FUT8: variants seen among roughly 807,000 people sequenced by gnomAD.
FUT8 encodes the protein fucosyltransferase 8, also known as alpha-(1,6)-fucosyltransferase.
FUT8 carries 29 observed loss-of-function variants against 71.3 expected under a neutral mutation model. The ratio of observed to expected loss-of-function variants is 0.41; its 90% CI spans 0.30 to 0.55. The LOEUF (loss-of-function observed/expected upper bound fraction) is 0.55. FUT8 is among the 20% of genes least tolerant of loss of function. The probability of loss-of-function intolerance (pLI) is 0.34; values close to 1 mark genes in which losing one functional copy is unlikely to be tolerated. For missense variants in FUT8, 544 were observed against 702.1 expected, an observed-to-expected ratio of 0.77 and a Z score of 2.55; for synonymous variants, 254 against 239.3, an observed-to-expected ratio of 1.06 and a Z score of -0.57.
At chr14:65,683,807 A>C (rs536255794) in intron 7 of FUT8, among the ~76,000 whole-genome samples, 75 of 152,214 alleles carry the variant, frequency 4.9e-4, no homozygotes, top group African/African-American at 1.8e-3. Context: ...AATAATGAAT[A>C]TTATGTCTAT....
At chr14:65,714,595 AT>A (rs927668583) in intron 7 of FUT8, among the ~76,000 whole-genome samples, 11 of 149,532 alleles carry the variant, frequency 7.4e-5, no homozygotes, top group East Asian at 3.9e-4. Context: ...AAGTTTTAGG[AT>A]TTTTTTTTTC....
At chr14:65,456,158 A>G (rs2065891075) in intron 2 of FUT8, among the ~76,000 whole-genome samples, 1 of 152,174 alleles carries the variant, frequency 6.6e-6, no homozygotes, top group Non-Finnish European at 1.5e-5. Context: ...TGTTCATTCT[A>G]TTAATTTTGA....
intron 3 of FUT8, among the ~76,000 whole-genome samples, chr14:65,582,030 T>C (rs1351648948): frequency 6.6e-6 from 1 of 152,190 alleles, no homozygotes; most frequent in Non-Finnish European, 1.5e-5. Context: ...TAACTGTAAG[T>C]CATGGTGTTG....
chr14:65,373,217 T>C, the FUT8 span, among the ~76,000 whole-genome samples: 1 of 149,814 alleles, frequency 6.7e-6, no homozygotes, highest in Non-Finnish European at 1.5e-5. Flanking sequence ...GTGGAGTCCC[T>C]GGCGAGGGCT....
rs1050075562 is a variant in FUT8 at position 65,519,498 on chromosome 14, C to T, written c.-227-41839C>T. 5.9e-5 allele frequency among the ~76,000 whole-genome samples: 9 copies of T among 152,196 alleles called. No individual in the cohort carries two copies. The Middle Eastern group carries it at 0.017, about 290-fold the overall frequency. On this transcript the variant is annotated intron_variant, in intron 2 of 10. Coordinates refer to ENST00000673929, the MANE Select transcript of FUT8 (RefSeq NM_001371533.1). The stretch of plus-strand genomic sequence containing the variant: ...TGATTCTAACAGGAGGTAAGTTTTT[C>T]GCTGATCTTTGCTGTATTCTTTATG...
At chr14:65,569,330 T>C (rs1316461777) in intron 3 of FUT8, among the ~76,000 whole-genome samples, 6 of 151,820 alleles carry the variant, frequency 4.0e-5, no homozygotes, top group Non-Finnish European at 7.4e-5. Flanking sequence ...TTTTTCCTTA[T>C]GGAATTCCAA....
At chr14:65,494,407 A>T (rs975168433) in intron 2 of FUT8, among the ~76,000 whole-genome samples, 2 of 152,106 alleles carry the variant, frequency 1.3e-5, no homozygotes, top group Non-Finnish European at 2.9e-5. Context: ...TTTACATACT[A>T]TTAGAAGAGA....
intron 1 of FUT8, among the ~76,000 whole-genome samples, chr14:65,444,923 C>T (rs1057051929): frequency 6.6e-6 from 1 of 152,032 alleles, no homozygotes; most frequent in Non-Finnish European, 1.5e-5. Context: ...AAAGGGCTTG[C>T]GGCCGGGCAT....
rs1443717358 is a variant in FUT8, at chr14:65,611,293, ACACACACACC to A, written c.204-4683_204-4674del. ...CACACACACACACACACACACACAC[ACACACACACC>A]CCCCAAGTAATAGCCTTGATTTTGC... is the stretch of plus-strand genomic sequence containing the variant. On this transcript the variant is annotated intron_variant, in intron 3 of 10. Coordinates refer to ENST00000673929, the MANE Select transcript of FUT8 (RefSeq NM_001371533.1). Among the ~76,000 whole-genome samples the A allele has an allele frequency of 4.2e-3, 200 of 47,064 alleles. 41 individuals are homozygous for A. The highest frequency in any genetic ancestry group is 0.017 in the African/African-American group (153 of 9,030). The allele number at this position is 47,064 out of a possible 152,430, so 30.9% of individuals were successfully genotyped here.
In FUT8 at chr14:65,611,211, GCGCGCGCGCGCGCACACA is replaced by G. The variant is rs1888909782; in HGVS notation, c.204-4765_204-4748del. On this transcript the variant is annotated intron_variant, in intron 3 of 10. Coordinates refer to ENST00000673929, the MANE Select transcript of FUT8 (RefSeq NM_001371533.1). ...CACACACACACACGCGCGCGCGCGCGCGCGCGCGCGCGCACACACACACACACACACACACACACACAC... is the reference window on the plus strand; with the variant it reads ...CACACACACACACGCGCGCGCGCGCGCACACACACACACACACACACACAC... Among the ~76,000 whole-genome samples, 4 of 11,696 alleles carry G rather than the reference GCGCGCGCGCGCGCACACA, an allele frequency of 3.4e-4. 1 individual carries two copies. Among genetic ancestry groups the G allele is most frequent in the African/African-American group, 4.5e-4 (4 of 8,808 alleles). The allele number at this position is 11,696 out of a possible 152,430, so 7.7% of individuals were successfully genotyped here.
At chr14:65,661,069 C>CT (rs762895194) in intron 6 of FUT8, among the ~76,000 whole-genome samples, 3 of 152,050 alleles carry the variant, frequency 2.0e-5, no homozygotes, top group Non-Finnish European at 4.4e-5. Context: ...GGCCTGATCC[C>CT]TTTTTTTGGT....
At chr14:65,701,497 C>T (rs1217616187) in intron 7 of FUT8, among the ~76,000 whole-genome samples, 1 of 152,180 alleles carries the variant, frequency 6.6e-6, no homozygotes, top group African/African-American at 2.4e-5. Context: ...ATACGACTGT[C>T]ACAGGACAGC....
At chr14:65,560,253 G>T in intron 2 of FUT8, among the ~76,000 whole-genome samples, 1 of 151,812 alleles carries the variant, frequency 6.6e-6, no homozygotes, top group East Asian at 1.9e-4. Flanking sequence ...ACTATTTCTT[G>T]TTTTTTCTCT....
At chr14:65,559,378 G>A (rs973505782) in intron 2 of FUT8, among the ~76,000 whole-genome samples, 10 of 152,072 alleles carry the variant, frequency 6.6e-5, no homozygotes, top group Non-Finnish European at 1.2e-4. Context: ...TAGCATTTAC[G>A]TTGTATTAGG....
intron 2 of FUT8, among the ~76,000 whole-genome samples, chr14:65,464,259 G>GTTTTTTT (rs3084724): frequency 1.7e-5 from 2 of 116,538 alleles, no homozygotes; most frequent in South Asian, 5.9e-4. Flanking sequence ...AGTACTTTGG[G>GTTTTTTT]TTTTTTTTTT....
At chr14:65,528,288 C>A (rs563269118) in intron 2 of FUT8, among the ~76,000 whole-genome samples, 1 of 152,196 alleles carries the variant, frequency 6.6e-6, no homozygotes, top group Non-Finnish European at 1.5e-5. Flanking sequence ...CCTTGCAGTT[C>A]GATCTCAGAC....
chr14:65,726,908 A>G (rs1206208284), intron 9 of FUT8, among the ~76,000 whole-genome samples: 1 of 152,212 alleles, frequency 6.6e-6, no homozygotes, highest in African/African-American at 2.4e-5. Context: ...ATTACAAATG[A>G]GAGAAATTGG....
chr14:65,475,935 A>G (rs1176611508), intron 2 of FUT8, among the ~76,000 whole-genome samples: 1 of 152,072 alleles, frequency 6.6e-6, no homozygotes, highest in African/African-American at 2.4e-5. Context: ...TGAGAGGGAA[A>G]GGGTCTTTCT....
intron 6 of FUT8, among the ~76,000 whole-genome samples, chr14:65,647,203 C>T (rs554195472): frequency 3.3e-5 from 5 of 152,298 alleles, no homozygotes; most frequent in East Asian, 3.9e-4. Flanking sequence ...ATACCCAGAT[C>T]ACTCAAGGTC....
Sources: allele counts gnomAD v4.1 joint callset (sites outside exome capture counted in the v4.1 genomes callset), GRCh38; gene constraint gnomAD v4.1.1; transcripts MANE v1.5; gene names NCBI Gene and HGNC (gene_info 2026-07-23, HGNC 2026-07-21).